The following PSG8 variants were observed in gnomAD, a reference collection of about 807,000 sequenced individuals.
PSG8 encodes pregnancy-specific beta-1-glycoprotein 8.
In PSG8, 57 loss-of-function variants were observed where a neutral mutation model predicts 42.5. That is an observed-to-expected ratio of 1.34 (90% CI 1.08 to 1.67). PSG8 has a LOEUF of 1.67. Among genes scored for constraint, PSG8 ranks in the 40% most tolerant of loss-of-function variants. The probability of loss-of-function intolerance (pLI) is 0.00; values close to 1 mark genes in which losing one functional copy is unlikely to be tolerated. For synonymous variants in PSG8, 280 were observed against 196.8 expected, an observed-to-expected ratio of 1.42 and a Z score of -3.54; for missense variants, 783 against 518.6, an observed-to-expected ratio of 1.51 and a Z score of -4.95.
At chr19:42,761,820 A>ATTTTTTTTTTTTTTTTTTTTTTTT (rs58868359) in intron 2 of PSG8, among the ~76,000 whole-genome samples, 12 of 70,394 alleles carry the variant, frequency 1.7e-4, no homozygotes, top group Non-Finnish European at 2.3e-4. Context: ...CATTTCAATA[A>ATTTTTTTTTTTTTTTTTTTTTTTT]TTTTTTTTTT....
intron 1 of PSG8, 115 bp from the exon 2 acceptor site, chr19:42,764,396 A>G: frequency 6.8e-7 from 1 of 1,476,132 alleles, no homozygotes; most frequent in Non-Finnish European, 9.1e-7. Context: ...ACACAGACAC[A>G]CACACATACA....
In PSG8 at chr19:42,764,028, G is replaced by T. The variant is rs1482587874; in HGVS notation, c.318C>A (p.Ser106=). 5 of 1,613,810 alleles carry T rather than the reference G, an allele frequency of 3.1e-6. 1 individual carries two copies. The highest frequency in any genetic ancestry group is 1.3e-5 in the African/African-American group (1 of 74,978). ...SGRETIYSNA[S]LLIQNVTQED... is the part of the protein sequence containing the mutation. ...CCTGGGTGACATTCTGGATCAGCAG[G>T]GATGCATTGGAATATATTGTTTCTC... Residue 106 remains serine, a synonymous_variant, in exon 2 of 5, where the codon TCC becomes TCA. Coordinates refer to ENST00000306511, the MANE Select transcript of PSG8 (RefSeq NM_182707.3).
downstream of PSG8, among the ~76,000 whole-genome samples, chr19:42,753,547 A>C (rs1969833657): frequency 6.6e-6 from 1 of 152,214 alleles, no homozygotes; most frequent in African/African-American, 2.4e-5. Context: ...GAGTTTCTTC[A>C]AACGTGGTCT....
At chr19:42,754,947 A>G (rs568809431) in intron 4 of PSG8, 41 bp downstream of exon 4, 4 of 1,569,328 alleles carry the variant, frequency 2.5e-6, no homozygotes, top group East Asian at 4.6e-5. Context: ...GTTTTGATTT[A>G]AGCTGGTGTC....
chr19:42,762,147 G>A (rs1970092730), intron 2 of PSG8, among the ~76,000 whole-genome samples: 1 of 151,584 alleles, frequency 6.6e-6, no homozygotes, highest in Non-Finnish European at 1.5e-5. Flanking sequence ...GAGTGTCTGG[G>A]GAAGGCCTAG....
At position 42,765,662 on chromosome 19, in the gene PSG8, C is replaced by A; in HGVS notation, c.-81G>T. On this transcript the variant is annotated 5_prime_UTR_variant, in exon 1 of 5. Coordinates refer to ENST00000306511, the MANE Select transcript of PSG8 (RefSeq NM_182707.3). ...TTCCTGAGCACAGCTCTCAGCAGTG[C>A]TGTCCTGCCTCCTTCTGCGCTGAGC... 1 of 1,554,282 alleles carries A rather than the reference C, an allele frequency of 6.4e-7. No individual in the cohort carries two copies. The highest frequency in any genetic ancestry group is 8.8e-7 in the Non-Finnish European group (1 of 1,141,690).
rs770646877 is a variant in PSG8, at chr19:42,763,907, A to G, written c.430+9T>C. 8 of 1,613,496 alleles carry G rather than the reference A, an allele frequency of 5.0e-6. No homozygotes were observed. In the African/African-American group the frequency reaches 6.7e-5, roughly 13 times the overall value. On this transcript the variant is annotated intron_variant, in intron 2 of 4. Transcript: ENST00000306511. ...CCCCAACACCCAGGGATCATGTGGA[A>G]TCACTCACGATATAAGGTGAAGGTG...
rs1340084782 is a variant in PSG8 at position 42,764,294 on chromosome 19, G to A, written c.65-13C>T. 1 of 1,608,964 alleles carries A rather than the reference G, an allele frequency of 6.2e-7. No individual in the cohort carries two copies. The highest frequency in any genetic ancestry group is 2.2e-5 in the East Asian group (1 of 44,818). ...TTTAAAAGTGATGCTAGGAGGTGGA[G>A]AGAGCATCAGTCAATATTGAGAGCT... On this transcript the variant is annotated splice_polypyrimidine_tract_variant and intron_variant, in intron 1 of 4. Transcript: ENST00000306511.
chr19:42,763,841 C>T (rs1970138098), intron 2 of PSG8, 75 bp downstream of exon 2: 2 of 1,609,630 alleles, frequency 1.2e-6, no homozygotes, highest in African/African-American at 2.7e-5. Flanking sequence ...AATGTCCAGG[C>T]CTGACAATCC....
chr19:42,762,755 C>T (rs566866093), intron 2 of PSG8, among the ~76,000 whole-genome samples: 72 of 152,218 alleles, frequency 4.7e-4, no homozygotes, highest in African/African-American at 1.6e-3. Flanking sequence ...ATGGTTGAGG[C>T]AGGTGATTTA....
At chr19:42,754,698 C>G in intron 4 of PSG8, 111 bp from the exon 5 acceptor site, 2 of 1,364,838 alleles carry the variant, frequency 1.5e-6, no homozygotes, top group South Asian at 2.9e-5. Context: ...CCTCAAGTCC[C>G]AGCCCAACCC....
In PSG8 at chr19:42,764,414, G is replaced by A. The variant is rs112990995; in HGVS notation, c.65-133C>T. 1.4e-3 allele frequency: 1,853 copies of A among 1,364,860 alleles called. 21 individuals are homozygous for A. In the African/African-American group the frequency reaches 0.023, roughly 17 times the overall value. 84.5% of individuals were successfully genotyped at this position (1,364,860 alleles called of 1,614,324 possible). A position where few individuals can be genotyped will look rare whatever the true frequency, so the allele number is the denominator to read the frequency against. On this transcript the variant is annotated intron_variant, in intron 1 of 4. Transcript: ENST00000306511. Reference sequence around the variant, plus strand: ...CAGACACACACACATACAAACACACGCACACACACACACAAAAGCGGCATG... The same window carrying A: ...CAGACACACACACATACAAACACACACACACACACACACAAAAGCGGCATG...
rs773159611 is a variant in PSG8 at position 42,754,464 on chromosome 19, T to C, written c.1112A>G (p.Lys371Arg). Residue 371 changes from lysine (K) to arginine (R), a missense_variant, in exon 5 of 5, where the codon AAG becomes AGG. Lys to Arg is a conservative substitution (Grantham distance 26). Transcript: ENST00000306511. Reference protein sequence around the residue: ...PAQYSWTINGKFQLSGQKLFI... With the variant: ...PAQYSWTINGRFQLSGQKLFI... ...GAGCTTTTGTCCTGATAGCTGAAAC[T>C]TCCCATTAATTGTCCAAGAATACTG... The C allele has an allele frequency of 3.1e-6, 5 of 1,613,938 alleles. No individual in the cohort carries two copies. In the South Asian group the frequency reaches 4.4e-5, roughly 14 times the overall value.
chr19:42,753,297 C>T, downstream of PSG8: 3 of 780,236 alleles, frequency 3.8e-6, no homozygotes, highest in South Asian at 4.0e-5. Flanking sequence ...GCTTCTGGAA[C>T]AGAGTGGGTC....
chr19:42,764,316 A>AT (rs755419951), intron 1 of PSG8, 35 bp from the exon 2 acceptor site: 3 of 1,594,746 alleles, frequency 1.9e-6, no homozygotes, highest in Non-Finnish European at 2.6e-6. Context: ...CAATATTGAG[A>AT]GCTATGTATT....
At chr19:42,762,716 G>T (rs1242427289) in intron 2 of PSG8, among the ~76,000 whole-genome samples, 2 of 151,988 alleles carry the variant, frequency 1.3e-5, no homozygotes, top group Non-Finnish European at 2.9e-5. Flanking sequence ...TGAGGGGGAG[G>T]CCTGGACATG....
Position 42,755,201 on chromosome 19 carries a change from T to C in PSG8, c.775A>G (p.Asn259Asp), listed in dbSNP as rs754167064. The change falls in exon 4 of 5, where the codon AAC (asparagine) becomes GAC (aspartate). Residue 259 changes from asparagine to aspartate, a missense_variant. Transcript: ENST00000306511. The part of the protein sequence containing the change: ...LKPRENKDVL[N>D]FTCEPKSENY... ...TCACTCTTAGGTTCACAGGTGAAGTTTAAGACATCCTTATTCTCCCTGGGT... is the reference window on the plus strand; with the variant it reads ...TCACTCTTAGGTTCACAGGTGAAGTCTAAGACATCCTTATTCTCCCTGGGT... 58 of 1,611,480 alleles carry C rather than the reference T, an allele frequency of 3.6e-5. No individual in the cohort carries two copies. The highest frequency in any genetic ancestry group is 1.2e-4 in the African/African-American group (9 of 74,780).
intron 3 of PSG8, among the ~76,000 whole-genome samples, chr19:42,756,965 T>C (rs993625429): frequency 1.7e-4 from 26 of 151,972 alleles, no homozygotes; most frequent in Non-Finnish European, 2.5e-4. Context: ...CTCCAATCCA[T>C]GAAAATGAAA....
Position 42,758,264 on chromosome 19 carries a change from G to A in PSG8, c.447C>T (p.Pro149=). The change falls in exon 3 of 5, where the codon CCC becomes CCT. Residue 149 remains proline, a synonymous_variant. Transcript: ENST00000306511. The part of the protein sequence containing the change: ...TFTLYLETPK[P]SISSSKLNPR... ...GGTTTAATTTGCTGCTGGAGATGGA[G>A]GGCTTGGGAGTCTCCACTGTGCAGA... is the stretch of plus-strand genomic sequence containing the variant. 1 of 1,613,932 alleles carries A rather than the reference G, an allele frequency of 6.2e-7. No homozygotes were observed. Among genetic ancestry groups the A allele is most frequent in the Non-Finnish European group, 8.5e-7 (1 of 1,179,920 alleles).
Sources: gnomAD v4.1 joint callset for allele counts (sites outside exome capture counted in the v4.1 genomes callset) on GRCh38, gnomAD v4.1.1 for gene constraint, MANE v1.5 for transcripts, NCBI Gene and HGNC (gene_info 2026-07-23, HGNC 2026-07-21) for gene names.